RBFOX1: variants seen among roughly 807,000 people sequenced by gnomAD.
RBFOX1 encodes the protein RNA binding fox-1 homolog 1, also known as RNA binding protein fox-1 homolog 1.
Under a neutral mutation model 57.7 loss-of-function variants are expected in RBFOX1, and 8 were observed. That is an observed-to-expected ratio of 0.14 (90% CI 0.08 to 0.25). RBFOX1 has a LOEUF of 0.25. Ranked by LOEUF, RBFOX1 falls within the 10% of genes least tolerant of loss-of-function variation. The pLI is 1.00. For missense variants in RBFOX1, 611 were observed against 548.5 expected (o/e 1.11, Z -1.14); for synonymous variants, 326 against 222.4 (o/e 1.47, Z -4.15).
intron 2 of RBFOX1, among the ~76,000 whole-genome samples, chr16:6,605,532 A>G (rs1031266293): frequency 6.6e-6 from 1 of 152,204 alleles, no homozygotes; most frequent in Non-Finnish European, 1.5e-5. Flanking sequence ...GCCAAATACA[A>G]GCGTCCAGTG....
intron 14 of RBFOX1, among the ~76,000 whole-genome samples, chr16:7,690,375 C>A (rs932516140): frequency 1.1e-4 from 16 of 152,072 alleles, no homozygotes; most frequent in East Asian, 1.9e-4. Context: ...TCAGAGGTTA[C>A]CATTTAATTG....
At chr16:6,356,651 G>A (rs760507089) in intron 2 of RBFOX1, among the ~76,000 whole-genome samples, 4 of 152,086 alleles carry the variant, frequency 2.6e-5, no homozygotes, top group East Asian at 1.9e-4. Context: ...CAAGAGAAGC[G>A]TAGGGAGACA....
At chr16:7,444,582 G>T (rs765640721) in intron 4 of RBFOX1, among the ~76,000 whole-genome samples, 1 of 152,038 alleles carries the variant, frequency 6.6e-6, no homozygotes, top group Non-Finnish European at 1.5e-5. Flanking sequence ...TCCCAAGCTA[G>T]ACTGCAGTGG....
At chr16:6,878,236 C>T (rs2062206385) in intron 3 of RBFOX1, among the ~76,000 whole-genome samples, 1 of 152,194 alleles carries the variant, frequency 6.6e-6, no homozygotes, top group Non-Finnish European at 1.5e-5. Flanking sequence ...CGTTTCTTCC[C>T]TGCTGAGCAC....
At chr16:7,542,690 AC>A (rs2083271823) in intron 5 of RBFOX1, among the ~76,000 whole-genome samples, 1 of 110,406 alleles carries the variant, frequency 9.1e-6, no homozygotes, top group Non-Finnish European at 1.8e-5. Flanking sequence ...CCCTGTCTCT[AC>A]TAAAAATGAA....
chr16:7,627,669 A>G (rs370710863), intron 10 of RBFOX1, among the ~76,000 whole-genome samples: 19 of 152,224 alleles, frequency 1.2e-4, no homozygotes, highest in African/African-American at 3.9e-4. Flanking sequence ...TATTTGACTT[A>G]CTTTTTAAAA....
chr16:6,624,245 T>C (rs2098273849), intron 2 of RBFOX1, among the ~76,000 whole-genome samples: 1 of 152,212 alleles, frequency 6.6e-6, no homozygotes, highest in South Asian at 2.1e-4. Context: ...AAAGAAACTT[T>C]GGGTCAGTTA....
intron 1 of RBFOX1, among the ~76,000 whole-genome samples, chr16:6,316,572 A>T (rs764013135): frequency 1.3e-5 from 2 of 152,228 alleles, no homozygotes; most frequent in African/African-American, 4.8e-5. Flanking sequence ...CCATAATGAT[A>T]TATCTGAAAT....
At chr16:5,658,197 C>T (rs2049518129) in intron 3 of RBFOX1, among the ~76,000 whole-genome samples, 1 of 152,140 alleles carries the variant, frequency 6.6e-6, no homozygotes, top group Non-Finnish European at 1.5e-5. Context: ...CAGACCTGGG[C>T]ATGATTTCTT....
intron 4 of RBFOX1, among the ~76,000 whole-genome samples, chr16:7,336,065 A>G (rs370099752): frequency 2.0e-5 from 3 of 152,218 alleles, no homozygotes; most frequent in African/African-American, 7.2e-5. Context: ...GAACCAATGT[A>G]CTACTTAACA....
chr16:6,499,386 A>G (rs892830091), intron 2 of RBFOX1, among the ~76,000 whole-genome samples: 2 of 152,070 alleles, frequency 1.3e-5, no homozygotes, highest in Admixed American at 6.6e-5. Flanking sequence ...TAAAAAAAAA[A>G]GGTATGAAAA....
intron 4 of RBFOX1, among the ~76,000 whole-genome samples, chr16:7,385,503 A>C (rs2097860174): frequency 6.6e-6 from 1 of 152,194 alleles, no homozygotes; most frequent in Admixed American, 6.5e-5. Flanking sequence ...AGGTATCTCA[A>C]ATAGAAAGTA....
At chr16:6,573,942 C>T (rs1306456799) in intron 2 of RBFOX1, 2 of 152,230 alleles carry the variant, frequency 1.3e-5, no homozygotes, top group African/African-American at 4.8e-5. Context: ...ACTGGCCTCC[C>T]TCGAGGTTAT....
At chr16:6,611,645 C>A (rs1218911950) in intron 2 of RBFOX1, among the ~76,000 whole-genome samples, 2 of 152,218 alleles carry the variant, frequency 1.3e-5, no homozygotes, top group Non-Finnish European at 2.9e-5. Context: ...AGCTTTCTTT[C>A]TCCTTTCTTT....
intron 1 of RBFOX1, among the ~76,000 whole-genome samples, chr16:5,390,727 C>A (rs576214371): frequency 1.3e-5 from 2 of 152,160 alleles, no homozygotes; most frequent in Non-Finnish European, 2.9e-5. Flanking sequence ...ACACCTAACC[C>A]CAATCAGTTC....
intron 2 of RBFOX1, among the ~76,000 whole-genome samples, chr16:5,560,602 G>T (rs1309087213): frequency 6.6e-6 from 1 of 152,154 alleles, no homozygotes; most frequent in Non-Finnish European, 1.5e-5. Flanking sequence ...TTTTTGGTGG[G>T]TGTGCAGTAT....
intron 1 of RBFOX1, among the ~76,000 whole-genome samples, chr16:6,042,679 A>G (rs534817880): frequency 2.6e-4 from 40 of 152,264 alleles, no homozygotes; most frequent in African/African-American, 9.4e-4. Context: ...GGTGGTCCTA[A>G]GAAAGCGTGT....
At position 7,640,035 on chromosome 16, in the gene RBFOX1, G is replaced by A. The variant is rs545571441; in HGVS notation, c.757+9352G>A. ...ACTTTTCCCATGTCCCAGCACATTT[G>A]ATTAACAGATGATTTCTAAGAGGCT... On this transcript the variant is annotated intron_variant, in intron 11 of 15. Transcript: ENST00000550418. Among the ~76,000 whole-genome samples the A allele has an allele frequency of 2.6e-5, 4 of 152,292 alleles. No homozygotes were observed. The South Asian group carries it at 8.3e-4, about 32-fold the overall frequency.
intron 4 of RBFOX1, among the ~76,000 whole-genome samples, chr16:7,097,390 C>T (rs977606101): frequency 3.9e-5 from 6 of 152,028 alleles, no homozygotes; most frequent in East Asian, 1.9e-4. Context: ...CTTGCATCAA[C>T]CCCAGTATCA....
Sources: allele counts gnomAD v4.1 joint callset (sites outside exome capture counted in the v4.1 genomes callset), GRCh38; gene constraint gnomAD v4.1.1; transcripts MANE v1.5; gene names NCBI Gene and HGNC (gene_info 2026-07-23, HGNC 2026-07-21).